The following FAT3 variants were observed in gnomAD, a reference collection of about 807,000 sequenced individuals.
FAT3 encodes protocadherin Fat 3.
In FAT3, 95 loss-of-function variants were observed where a neutral mutation model predicts 310.2. The observed-to-expected ratio is 0.31, with a 90% CI of 0.26 to 0.36. The LOEUF is 0.36. Among genes scored for constraint, FAT3 ranks in the 10% least tolerant of loss-of-function variants. The probability of loss-of-function intolerance (pLI) is 1.00; values close to 1 mark genes in which losing one functional copy is unlikely to be tolerated. For synonymous variants in FAT3, 2,314 were observed against 2,192.9 expected, an observed-to-expected ratio of 1.06 and a Z score of -1.54; for missense variants, 5,408 against 5,715.6, an observed-to-expected ratio of 0.95 and a Z score of 1.74.
At position 92,801,028 on chromosome 11, in the gene FAT3, C is replaced by T. The variant is rs1412342445; in HGVS notation, c.8015C>T (p.Thr2672Ile). The T allele has an allele frequency of 1.9e-6, 3 of 1,613,644 alleles. No individual in the cohort carries two copies. The highest frequency in any genetic ancestry group is 4.5e-5 in the East Asian group (2 of 44,840). ...GGTAATTTTAACCAGCTGAAAAATA[C>T]AGTGCTTTCGTTCTTTGTCAAAGCA... ...TKGNFNQLKN[T>I]VLSFFVKAVD... is the part of the protein sequence containing the mutation. Residue 2672 changes from threonine to isoleucine, a missense_variant, in exon 10 of 28, where the codon ACA becomes ATA. Thr to Ile is a moderately conservative substitution (Grantham distance 89, BLOSUM62 -1). Around this residue, in one of 5 missense-constraint regions of FAT3, gnomAD observed 4,588 missense variants for 4,809.8 expected, o/e 0.95. Transcript: ENST00000525166.
chr11:92,368,273 C>T (rs1014916036), intron 2 of FAT3, among the ~76,000 whole-genome samples: 4 of 152,070 alleles, frequency 2.6e-5, no homozygotes, highest in African/African-American at 7.2e-5. Context: ...AGTTTAGAAC[C>T]ATTTCTCCAA....
chr11:92,785,441 TC>T (rs1946864044), intron 7 of FAT3, among the ~76,000 whole-genome samples: 3 of 152,068 alleles, frequency 2.0e-5, no homozygotes, highest in Admixed American at 2.0e-4. Flanking sequence ...TAAAACTATC[TC>T]TGTTTGCATG....
chr11:92,849,803 C>T (rs1160352291), intron 19 of FAT3, among the ~76,000 whole-genome samples: 1 of 152,128 alleles, frequency 6.6e-6, no homozygotes, highest in Non-Finnish European at 1.5e-5. Flanking sequence ...TTGCACCAGG[C>T]CCTGGGTGGG....
chr11:92,265,274 TAAAAAC>T (rs1420641464), intron 1 of FAT3, among the ~76,000 whole-genome samples: 1 of 151,844 alleles, frequency 6.6e-6, no homozygotes, highest in Non-Finnish European at 1.5e-5. Flanking sequence ...TTAAGGAAAT[TAAAAAC>T]AAATACTTTT....
At chr11:92,469,494 C>G (rs537837298) in intron 2 of FAT3, among the ~76,000 whole-genome samples, 1 of 151,788 alleles carries the variant, frequency 6.6e-6, no homozygotes, top group East Asian at 1.9e-4. Context: ...TCTTTTAAAG[C>G]TTATTTTAAA....
At chr11:92,231,518 C>T (rs1446277648) in intron 1 of FAT3, among the ~76,000 whole-genome samples, 3 of 152,056 alleles carry the variant, frequency 2.0e-5, no homozygotes, top group African/African-American at 4.8e-5. Context: ...GAATGAGGCA[C>T]AGTTATGAAA....
At chr11:92,384,882 T>C (rs1380494652) in intron 2 of FAT3, among the ~76,000 whole-genome samples, 2 of 152,190 alleles carry the variant, frequency 1.3e-5, no homozygotes, top group Non-Finnish European at 2.9e-5. Flanking sequence ...TAGTTATTCA[T>C]AAAGCTTGCT....
At chr11:92,300,328 G>C (rs1006764653) in intron 1 of FAT3, among the ~76,000 whole-genome samples, 7 of 152,086 alleles carry the variant, frequency 4.6e-5, no homozygotes, top group Non-Finnish European at 1.0e-4. Flanking sequence ...TTCCATTTAT[G>C]TTCCTGTGAG....
intron 6 of FAT3, among the ~76,000 whole-genome samples, chr11:92,772,938 T>C (rs1378721426): frequency 6.6e-6 from 1 of 152,138 alleles, no homozygotes. Flanking sequence ...AATGCAAAGA[T>C]GTGGAATGTA....
chr11:92,649,736 C>T (rs957771107), intron 3 of FAT3, among the ~76,000 whole-genome samples: 11 of 152,036 alleles, frequency 7.2e-5, no homozygotes, highest in African/African-American at 2.7e-4. Context: ...ATGGGTCTGC[C>T]TTAGGTACGT....
chr11:92,412,738 T>TACACAC (rs1333752601), intron 2 of FAT3, among the ~76,000 whole-genome samples: 3 of 63,710 alleles, frequency 4.7e-5, no homozygotes, highest in African/African-American at 9.0e-5. Context: ...TATATATATA[T>TACACAC]ATATATAAAT....
chr11:92,409,147 G>A (rs1950197855), intron 2 of FAT3, among the ~76,000 whole-genome samples: 1 of 152,010 alleles, frequency 6.6e-6, no homozygotes, highest in Non-Finnish European at 1.5e-5. Flanking sequence ...CTAGCCAAGT[G>A]TTATATATAA....
intron 4 of FAT3, among the ~76,000 whole-genome samples, chr11:92,726,427 C>A (rs1157563839): frequency 6.6e-6 from 1 of 152,080 alleles, no homozygotes; most frequent in Non-Finnish European, 1.5e-5. Context: ...ACAACCATAA[C>A]AATGGGAACT....
At chr11:92,288,105 A>T (rs1565203038) in intron 1 of FAT3, among the ~76,000 whole-genome samples, 3 of 152,174 alleles carry the variant, frequency 2.0e-5, no homozygotes, top group Admixed American at 2.0e-4. Flanking sequence ...GGATAAAAAA[A>T]CATGATATGT....
chr11:92,383,833 A>G (rs1048863922), intron 2 of FAT3, among the ~76,000 whole-genome samples: 2 of 152,214 alleles, frequency 1.3e-5, no homozygotes, highest in African/African-American at 4.8e-5. Flanking sequence ...TTTAAAAGGA[A>G]AGAATTAAAA....
chr11:92,461,152 G>A (rs963078098), intron 2 of FAT3, among the ~76,000 whole-genome samples: 1 of 152,112 alleles, frequency 6.6e-6, no homozygotes, highest in African/African-American at 2.4e-5. Context: ...TAATAGGTTG[G>A]AACTCTTTGG....
At chr11:92,269,522 A>G (rs1251003896) in intron 1 of FAT3, among the ~76,000 whole-genome samples, 2 of 152,136 alleles carry the variant, frequency 1.3e-5, no homozygotes, top group Non-Finnish European at 2.9e-5. Flanking sequence ...TTGCTTTTCA[A>G]CTGATCTTTA....
At chr11:92,445,219 C>CTAA (rs375954729) in intron 2 of FAT3, among the ~76,000 whole-genome samples, 18 of 152,314 alleles carry the variant, frequency 1.2e-4, no homozygotes, top group African/African-American at 4.3e-4. Context: ...AACTAATACA[C>CTAA]TAATACACTG....
chr11:92,726,228 GTTTTCC>G (rs1019224267), intron 4 of FAT3, among the ~76,000 whole-genome samples: 4 of 152,076 alleles, frequency 2.6e-5, no homozygotes, highest in African/African-American at 9.7e-5. Flanking sequence ...CTACTGCAGA[GTTTTCC>G]TTTTCTATAT....
Sources: gnomAD v4.1 joint callset for allele counts (sites outside exome capture counted in the v4.1 genomes callset) on GRCh38, gnomAD v4.1.1 for gene constraint, gnomAD v4.1.1 regional missense constraint, MANE v1.5 for transcripts, NCBI Gene and HGNC (gene_info 2026-07-23, HGNC 2026-07-21) for gene names.